The following HEATR5A variants were observed in gnomAD, a reference collection of about 807,000 sequenced individuals.
HEATR5A encodes the protein HEAT repeat containing 5A, also known as HEAT repeat-containing protein 5A.
A neutral mutation model predicts 218.8 loss-of-function variants in HEATR5A; 178 were observed. That is an observed-to-expected ratio of 0.81 (90% CI 0.72 to 0.92). The LOEUF (loss-of-function observed/expected upper bound fraction) is 0.92, where lower values mean the gene tolerates loss of function less well. Ranked by LOEUF, HEATR5A falls within the 40% of genes least tolerant of loss-of-function variation. HEATR5A has a pLI of 0.00. For missense variants in HEATR5A, 2,420 were observed against 2,418.9 expected (o/e 1.00, Z -0.01); for synonymous variants, 864 against 871.6 (o/e 0.99, Z 0.15).
chr14:31,327,389 G>T (rs918240889), intron 22 of HEATR5A, among the ~76,000 whole-genome samples: 1 of 144,178 alleles, frequency 6.9e-6, no homozygotes, highest in African/African-American at 2.6e-5. Flanking sequence ...CGCCTCCTGA[G>T]TTCAAGCAAT....
chr14:31,417,877 A>G (rs2031507876), intron 1 of HEATR5A, among the ~76,000 whole-genome samples: 2 of 152,192 alleles, frequency 1.3e-5, no homozygotes, highest in Admixed American at 1.3e-4. Context: ...GAGTCCTACA[A>G]TTACCTGACA....
intron 11 of HEATR5A, 127 bp from the exon 12 acceptor site, chr14:31,375,095 T>C: frequency 1.3e-6 from 1 of 779,646 alleles, no homozygotes; most frequent in South Asian, 2.0e-5. Context: ...GTCCCCTTTC[T>C]TATCTTCAGG....
At chr14:31,296,861 T>C (rs945833428) in intron 33 of HEATR5A, 1 of 152,238 alleles carries the variant, frequency 6.6e-6, no homozygotes, top group Non-Finnish European at 1.5e-5. Flanking sequence ...TTTGGTCACA[T>C]TCATTCAACA....
chr14:31,310,250 G>A (rs968747908), intron 28 of HEATR5A, among the ~76,000 whole-genome samples: 4 of 151,008 alleles, frequency 2.6e-5, no homozygotes, highest in Non-Finnish European at 5.9e-5. Flanking sequence ...GTCCAGGTTG[G>A]CCCTGAACTC....
At chr14:31,344,735 T>C (rs1900968280) in intron 20 of HEATR5A, among the ~76,000 whole-genome samples, 1 of 5,746 alleles carries the variant, frequency 1.7e-4, no homozygotes, top group African/African-American at 2.5e-4. Context: ...TAGTTAAGAA[T>C]TACTTTCATG....
intron 11 of HEATR5A, among the ~76,000 whole-genome samples, chr14:31,380,074 C>T (rs1252186178): frequency 2.0e-5 from 3 of 152,150 alleles, no homozygotes; most frequent in Admixed American, 1.3e-4. Context: ...TGTTATGAAT[C>T]CTCAAACAAT....
intron 22 of HEATR5A, among the ~76,000 whole-genome samples, chr14:31,330,767 G>A (rs1032175546): frequency 2.6e-5 from 4 of 151,434 alleles, no homozygotes; most frequent in African/African-American, 4.9e-5. Context: ...CTCCAGCCTG[G>A]GCGACAGAGT....
intron 9 of HEATR5A, among the ~76,000 whole-genome samples, chr14:31,384,034 G>A (rs576861748): frequency 3.9e-5 from 6 of 151,916 alleles, no homozygotes; most frequent in Admixed American, 1.3e-4. Flanking sequence ...TTAAGTCCGC[G>A]CACAAAAGAA....
At chr14:31,324,714 G>A (rs1900210874) in intron 23 of HEATR5A, among the ~76,000 whole-genome samples, 1 of 142,332 alleles carries the variant, frequency 7.0e-6, no homozygotes, top group Admixed American at 7.3e-5. Context: ...ACAAGATCTT[G>A]CTCTGTTACA....
At position 31,364,285 on chromosome 14, in the gene HEATR5A, G is replaced by A. The variant is rs1264950116; in HGVS notation, c.1975C>T (p.Leu659=). The A allele has an allele frequency of 2.0e-6, 3 of 1,521,548 alleles. No homozygotes were observed. Among genetic ancestry groups the A allele is most frequent in the East Asian group, 4.8e-5 (2 of 41,664 alleles). The allele number at this position is 1,521,548 out of a possible 1,614,324, so 94.3% of individuals were successfully genotyped here. A position where few individuals can be genotyped will look rare whatever the true frequency, so the allele number is the denominator to read the frequency against. ...VDLLTQLSSI[L]KMYGSPLKTP... ...TTCAAAGGACTTCCATACATTTTTA[G>A]TATTGAAGAAAGCCTTAAAATAAAA... Residue 659 remains leucine, a synonymous_variant, in exon 14 of 36, where the codon CTA becomes TTA. Transcript: ENST00000543095.
intron 22 of HEATR5A, among the ~76,000 whole-genome samples, chr14:31,334,945 CAAAAAAAAA>C (rs58661759): frequency 1.0e-5 from 1 of 96,640 alleles, no homozygotes; most frequent in African/African-American, 4.3e-5. Flanking sequence ...GATTCCATCT[CAAAAAAAAA>C]AAAAAAAAAA....
In HEATR5A at chr14:31,345,240, AATCAATG is replaced by A. The variant is rs1900983023; in HGVS notation, c.2898_2904del (p.Ile967LeufsTer18). 6.2e-7 allele frequency: 1 copy of A among 1,613,086 alleles called. No individual in the cohort carries two copies. Among genetic ancestry groups the A allele is most frequent in the Non-Finnish European group, 8.5e-7 (1 of 1,179,472 alleles). On this transcript the variant is annotated frameshift_variant, in exon 20 of 36. Coordinates refer to ENST00000543095, the MANE Select transcript of HEATR5A (RefSeq NM_015473.4). LOFTEE classifies it high-confidence loss of function. ...TGCACATAATAGAGTGGGCCAGCAGAATCAATGATCAATGATAGAGAATGTAATGCCC... is the reference window on the plus strand; with the variant it reads ...TGCACATAATAGAGTGGGCCAGCAGAATCAATGATAGAGAATGTAATGCCC...
chr14:31,299,750 C>T (rs1461825376), intron 33 of HEATR5A, among the ~76,000 whole-genome samples: 3 of 146,192 alleles, frequency 2.1e-5, no homozygotes, highest in East Asian at 2.1e-4. Flanking sequence ...AAAACCCTTT[C>T]GGCCGGGCAT....
At chr14:31,398,909 A>G in intron 3 of HEATR5A, 128 bp from the exon 4 acceptor site, 1 of 608,062 alleles carries the variant, frequency 1.6e-6, no homozygotes, top group South Asian at 2.2e-5. Flanking sequence ...TCTTTGTATT[A>G]TCCTTTGAAA....
chr14:31,384,249 T>A (rs572450224), intron 9 of HEATR5A, among the ~76,000 whole-genome samples: 2 of 152,058 alleles, frequency 1.3e-5, no homozygotes, highest in African/African-American at 4.8e-5. Context: ...TTGAGACCAG[T>A]CTGGGCAACA....
At chr14:31,416,211 G>C (rs2031442176) in intron 1 of HEATR5A, among the ~76,000 whole-genome samples, 1 of 152,098 alleles carries the variant, frequency 6.6e-6, no homozygotes, top group African/African-American at 2.4e-5. Context: ...TCCACCTCTC[G>C]AGTTTAAGCA....
At chr14:31,384,496 C>T (rs560703622) in intron 9 of HEATR5A, among the ~76,000 whole-genome samples, 2 of 148,322 alleles carry the variant, frequency 1.3e-5, no homozygotes, top group South Asian at 2.1e-4. Flanking sequence ...TTTTTTAATC[C>T]TTCTAGTACA....
chr14:31,308,542 T>C (rs1017847690), intron 29 of HEATR5A, among the ~76,000 whole-genome samples: 2 of 150,892 alleles, frequency 1.3e-5, no homozygotes, highest in African/African-American at 2.4e-5. Flanking sequence ...ACTAGGCTTG[T>C]GCACTAGTTG....
At chr14:31,332,668 T>A (rs756730547) in intron 22 of HEATR5A, among the ~76,000 whole-genome samples, 16 of 152,126 alleles carry the variant, frequency 1.1e-4, no homozygotes, top group Non-Finnish European at 2.2e-4. Context: ...AACAACCTTA[T>A]TAACCAACAC....
Sources: gnomAD v4.1 joint callset for allele counts (sites outside exome capture counted in the v4.1 genomes callset) on GRCh38, gnomAD v4.1.1 for gene constraint, MANE v1.5 for transcripts, NCBI Gene and HGNC (gene_info 2026-07-23, HGNC 2026-07-21) for gene names.